Variants in SMCHD1 observed in about 807,000 individuals in gnomAD.
The protein encoded by SMCHD1 is structural maintenance of chromosomes flexible hinge domain containing 1.
A neutral mutation model predicts 254.7 loss-of-function variants in SMCHD1; 78 were observed. The observed-to-expected ratio is 0.31, with a 90% CI of 0.26 to 0.37. The LOEUF is 0.37. Among genes scored for constraint, SMCHD1 ranks in the 10% least tolerant of loss-of-function variants. The pLI is 1.00. For missense variants in SMCHD1, 1,840 were observed against 2,408.1 expected (o/e 0.76, Z 4.94); for synonymous variants, 766 against 794.9 (o/e 0.96, Z 0.61).
chr18:2,711,693 G>A (rs958533266), intron 17 of SMCHD1, among the ~76,000 whole-genome samples: 14 of 151,324 alleles, frequency 9.3e-5, no homozygotes, highest in Admixed American at 5.3e-4. Context: ...CGTTTTAGCC[G>A]GGATGGTCTC....
intron 28 of SMCHD1, 57 bp downstream of exon 28, chr18:2,740,878 A>G: frequency 1.0e-6 from 1 of 985,972 alleles, no homozygotes; most frequent in South Asian, 2.2e-5. Flanking sequence ...TATGTGTAAC[A>G]AAAAGTTTGG....
chr18:2,740,087 C>G (rs1004142266), intron 27 of SMCHD1, among the ~76,000 whole-genome samples: 4 of 151,524 alleles, frequency 2.6e-5, no homozygotes, highest in African/African-American at 9.8e-5. Flanking sequence ...CTCCCCTAGC[C>G]CCGACTCCCC....
chr18:2,674,398 AG>A, intron 5 of SMCHD1, among the ~76,000 whole-genome samples: 1 of 152,268 alleles, frequency 6.6e-6, no homozygotes, highest in Non-Finnish European at 1.5e-5. Flanking sequence ...GGTACCTGAG[AG>A]CTTTTCCCCT....
chr18:2,731,010 G>A (rs2075127700), intron 24 of SMCHD1, among the ~76,000 whole-genome samples: 1 of 152,208 alleles, frequency 6.6e-6, no homozygotes, highest in Non-Finnish European at 1.5e-5. Flanking sequence ...AGACCACTCA[G>A]GAGAAGACCA....
chr18:2,771,097 T>G (rs779194361), intron 39 of SMCHD1, among the ~76,000 whole-genome samples: 28 of 152,228 alleles, frequency 1.8e-4, no homozygotes, highest in Non-Finnish European at 3.7e-4. Context: ...CTCAAAGTAC[T>G]CACTTTTGTG....
intron 45 of SMCHD1, among the ~76,000 whole-genome samples, chr18:2,788,443 GAA>G (rs1175762973): frequency 1.3e-5 from 2 of 152,156 alleles, no homozygotes; most frequent in South Asian, 4.1e-4. Context: ...TTAGCACATT[GAA>G]AAAAGTAGAA....
chr18:2,787,282 T>A (rs1437385478), intron 45 of SMCHD1, among the ~76,000 whole-genome samples: 1 of 152,130 alleles, frequency 6.6e-6, no homozygotes, highest in African/African-American at 2.4e-5. Context: ...CACTAATCTA[T>A]TCATGAGGGA....
intron 24 of SMCHD1, 137 bp downstream of exon 24, chr18:2,729,546 A>C (rs1190889898): frequency 1.8e-6 from 1 of 565,566 alleles, no homozygotes; most frequent in Non-Finnish European, 2.9e-6. Flanking sequence ...AAAGCAAAGC[A>C]AAGACAATAT....
At chr18:2,697,231 C>A in intron 9 of SMCHD1, 109 bp downstream of exon 9, 1 of 530,204 alleles carries the variant, frequency 1.9e-6, no homozygotes, top group African/African-American at 2.0e-5. Flanking sequence ...CTTCTCTCTC[C>A]TTGTTTTTTA....
rs569043880 is a variant in SMCHD1, at chr18:2,763,766, G to A, written c.4696G>A (p.Val1566Met). ...AGTTAGAACACTTGAATTCCCCTTC[G>A]TGAATGGTTCGGCTGAAATCATGGT... The part of the protein sequence containing the change: ...GKVRTLEFPF[V>M]NGSAEIMSLV... The change falls in exon 37 of 48, where the codon GTG becomes ATG. Residue 1566 changes from valine (V) to methionine (M), a missense_variant. Around this residue, in one of 9 missense-constraint regions of SMCHD1, gnomAD observed 881 missense variants for 1,009.5 expected, o/e 0.87. Coordinates refer to ENST00000320876, the MANE Select transcript of SMCHD1 (RefSeq NM_015295.3). The A allele has an allele frequency of 1.3e-4, 209 of 1,608,392 alleles. 1 individual carries two copies. In the South Asian group the frequency reaches 2.1e-3, roughly 16 times the overall value.
rs147698174 is a variant in SMCHD1, at chr18:2,773,041, A to T, written c.5175+669A>T. 3.5e-3 allele frequency among the ~76,000 whole-genome samples: 526 copies of T among 152,354 alleles called. 3 individuals carry two copies. The highest frequency in any genetic ancestry group is 0.012 in the African/African-American group (498 of 41,572). On this transcript the variant is annotated intron_variant, in intron 41 of 47. Transcript: ENST00000320876. ...AAAGGCAGAGCTTAGATGTGACTCA[A>T]GGTCTCTCTGACTCTAAAGTCTGTG...
Position 2,724,939 on chromosome 18 carries a change from A to G in SMCHD1, c.2644A>G (p.Asn882Asp), listed in dbSNP as rs746483578. 1 of 1,594,894 alleles carries G rather than the reference A, an allele frequency of 6.3e-7. No individual in the cohort carries two copies. ...TTATGAAGAAATAACCAAAGGACCA[A>G]ATTGTGTAATTCGAGGTGTTACAGC... ...LHYEEITKGP[N>D]CVIRGVTAKG... The change falls in exon 21 of 48, where the codon AAT (asparagine) becomes GAT (aspartate). Residue 882 changes from asparagine to aspartate, a missense_variant. Coordinates refer to ENST00000320876, the MANE Select transcript of SMCHD1 (RefSeq NM_015295.3).
At chr18:2,763,859 CCTTTT>C (rs2075826043) in intron 37 of SMCHD1, 70 bp downstream of exon 37, 2 of 1,404,264 alleles carry the variant, frequency 1.4e-6, no homozygotes, top group Non-Finnish European at 2.0e-6. Flanking sequence ...TATTAAGACA[CCTTTT>C]CTTTTGTATA....
intron 40 of SMCHD1, among the ~76,000 whole-genome samples, chr18:2,771,973 T>C (rs751200323): frequency 6.6e-6 from 1 of 152,132 alleles, no homozygotes; most frequent in Non-Finnish European, 1.5e-5. Context: ...TGTAACTCAG[T>C]TTCAAGAGAA....
intron 37 of SMCHD1, among the ~76,000 whole-genome samples, chr18:2,768,212 A>T (rs995189881): frequency 6.6e-6 from 1 of 152,198 alleles, no homozygotes. Flanking sequence ...AAAGAATATG[A>T]GCAGGCAATT....
intron 25 of SMCHD1, 63 bp downstream of exon 25, chr18:2,732,555 G>A: frequency 6.7e-6 from 7 of 1,049,412 alleles, no homozygotes; most frequent in Non-Finnish European, 1.4e-6. Flanking sequence ...TTGTAAGACT[G>A]AACAAGCCGT....
intron 1 of SMCHD1, among the ~76,000 whole-genome samples, chr18:2,658,083 A>C (rs555117): frequency 3.3e-5 from 5 of 152,024 alleles, no homozygotes; most frequent in Non-Finnish European, 7.4e-5. Context: ...CACTGCACCC[A>C]GTGGAAAAAC....
chr18:2,766,490 T>C (rs912111685), intron 37 of SMCHD1, among the ~76,000 whole-genome samples: 1 of 152,238 alleles, frequency 6.6e-6, no homozygotes, highest in Non-Finnish European at 1.5e-5. Context: ...ACTCAAGTCC[T>C]TCTTGGCTCC....
At chr18:2,708,937 C>G (rs2074599493) in intron 17 of SMCHD1, among the ~76,000 whole-genome samples, 1 of 112,256 alleles carries the variant, frequency 8.9e-6, no homozygotes, top group Non-Finnish European at 1.7e-5. Flanking sequence ...TATGAAGTGG[C>G]ATTAAGTACA....
Sources: gnomAD v4.1 joint callset for allele counts (sites outside exome capture counted in the v4.1 genomes callset) on GRCh38, gnomAD v4.1.1 for gene constraint, gnomAD v4.1.1 regional missense constraint, MANE v1.5 for transcripts, NCBI Gene and HGNC (gene_info 2026-07-23, HGNC 2026-07-21) for gene names.